The following ZMYND11 variants were observed in gnomAD, a reference collection of about 807,000 sequenced individuals.
ZMYND11 encodes zinc finger MYND-type containing 11.
Under a neutral mutation model 84.9 loss-of-function variants are expected in ZMYND11, and 9 were observed. The ratio of observed to expected loss-of-function variants is 0.11; its 90% CI spans 0.06 to 0.18. The LOEUF (loss-of-function observed/expected upper bound fraction) is 0.18, where lower values mean the gene tolerates loss of function less well. Ranked by LOEUF, ZMYND11 falls within the 10% of genes least tolerant of loss-of-function variation. ZMYND11 has a pLI of 1.00. For missense variants in ZMYND11, 409 were observed against 761.0 expected (o/e 0.54, Z 5.44); for synonymous variants, 250 against 244.1 (o/e 1.02, Z -0.23).
intron 2 of ZMYND11, among the ~76,000 whole-genome samples, chr10:200,533 T>C (rs1281109704): frequency 6.6e-6 from 1 of 151,696 alleles, no homozygotes; most frequent in Non-Finnish European, 1.5e-5. Context: ...CACCTTGGCC[T>C]CCCAAAGTGC....
chr10:181,780 G>C (rs1847937539), intron 2 of ZMYND11, among the ~76,000 whole-genome samples: 1 of 151,908 alleles, frequency 6.6e-6, no homozygotes, highest in African/African-American at 2.4e-5. Context: ...AGAAAAAAAA[G>C]ATAATACTAT....
At chr10:219,806 A>G (rs1946816013) in intron 3 of ZMYND11, among the ~76,000 whole-genome samples, 1 of 152,168 alleles carries the variant, frequency 6.6e-6, no homozygotes, top group Non-Finnish European at 1.5e-5. Flanking sequence ...GAGTGTATAC[A>G]TCTGTAGCAA....
chr10:240,802 AC>A, intron 8 of ZMYND11, 90 bp from the exon 9 acceptor site: 1 of 969,788 alleles, frequency 1.0e-6, no homozygotes, highest in South Asian at 1.6e-5. Flanking sequence ...CTATTTATAT[AC>A]GTGAATGTTA....
rs974673311 is a variant in ZMYND11, at chr10:215,211, T to C, written c.276+5163T>C. On this transcript the variant is annotated intron_variant, in intron 3 of 14. Coordinates refer to ENST00000381604, the MANE Select transcript of ZMYND11 (RefSeq NM_001370100.5). ...TAAAATATTAAAAAGTGATCTTTGC[T>C]GTAAAACTACTTCTCCCTTTACTTA... Among the ~76,000 whole-genome samples, 3 of 152,340 alleles carry C rather than the reference T, an allele frequency of 2.0e-5. No individual in the cohort carries two copies. The East Asian group carries it at 5.8e-4, about 29-fold the overall frequency.
At chr10:209,239 G>T (rs1349598744) in intron 2 of ZMYND11, among the ~76,000 whole-genome samples, 1 of 152,080 alleles carries the variant, frequency 6.6e-6, no homozygotes, top group Admixed American at 6.6e-5. Context: ...GTGATCCAGG[G>T]TGTGTCGGAT....
chr10:251,343 G>A (rs1034718861), intron 14 of ZMYND11, among the ~76,000 whole-genome samples: 10 of 152,146 alleles, frequency 6.6e-5, no homozygotes, highest in African/African-American at 2.2e-4. Flanking sequence ...CATCCAAGCC[G>A]TTTCCAAAAC....
At chr10:204,494 CTTAAT>C (rs1225554935) in intron 2 of ZMYND11, among the ~76,000 whole-genome samples, 6 of 152,088 alleles carry the variant, frequency 3.9e-5, no homozygotes, top group African/African-American at 7.2e-5. Flanking sequence ...GAACTATATA[CTTAAT>C]TTAAATTACT....
At chr10:190,497 A>G (rs1452582025) in intron 2 of ZMYND11, among the ~76,000 whole-genome samples, 2 of 151,984 alleles carry the variant, frequency 1.3e-5, no homozygotes, top group Non-Finnish European at 2.9e-5. Flanking sequence ...CTCCTCCTTC[A>G]GGTGTTGGTG....
chr10:202,763 C>T (rs1301448877), intron 2 of ZMYND11, among the ~76,000 whole-genome samples: 4 of 152,058 alleles, frequency 2.6e-5, no homozygotes, highest in African/African-American at 9.7e-5. Flanking sequence ...AACGAAATGA[C>T]CAGAATGTAT....
intron 3 of ZMYND11, among the ~76,000 whole-genome samples, chr10:213,943 A>G (rs1020794735): frequency 3.9e-5 from 6 of 152,210 alleles, no homozygotes; most frequent in Non-Finnish European, 7.3e-5. Context: ...TATGAAATCT[A>G]GCAATCATGT....
At chr10:159,736 CAA>C (rs1472074662) in intron 1 of ZMYND11, among the ~76,000 whole-genome samples, 1 of 152,078 alleles carries the variant, frequency 6.6e-6, no homozygotes, top group African/African-American at 2.4e-5. Flanking sequence ...TTGGGATGTG[CAA>C]AGAGTTTACT....
chr10:223,402 A>G (rs1263921946), intron 4 of ZMYND11, among the ~76,000 whole-genome samples: 1 of 152,194 alleles, frequency 6.6e-6, no homozygotes, highest in African/African-American at 2.4e-5. Flanking sequence ...GTATTGGCTC[A>G]CACAGAAACA....
Position 221,460 on chromosome 10 carries a change from G to T in ZMYND11, c.438+104G>T, listed in dbSNP as rs1448579866. On this transcript the variant is annotated intron_variant, in intron 4 of 14. Transcript: ENST00000381604. ...GGTCTTGCCAGGTGAACGGATAAAG[G>T]ACTGGAGGGTGGGGGTTATCTAATG... 13 of 1,166,136 alleles carry T rather than the reference G, an allele frequency of 1.1e-5. No individual in the cohort carries two copies. The East Asian group carries it at 2.9e-4, about 26-fold the overall frequency. 72.2% of individuals were successfully genotyped at this position (1,166,136 alleles called of 1,614,324 possible).
chr10:173,018 A>G (rs1488831821), intron 1 of ZMYND11, among the ~76,000 whole-genome samples: 2 of 152,050 alleles, frequency 1.3e-5, no homozygotes, highest in Non-Finnish European at 2.9e-5. Flanking sequence ...GCTGGAACAA[A>G]TGGACATCCA....
At chr10:185,530 C>G (rs61836338) in intron 2 of ZMYND11, among the ~76,000 whole-genome samples, 372 of 67,780 alleles carry the variant, frequency 5.5e-3, no homozygotes, top group South Asian at 8.7e-3. Flanking sequence ...GGTGGGGGCG[C>G]GGGGTGGGCA....
At chr10:134,767 C>G (rs1206821890), upstream of ZMYND11, 1 of 152,526 alleles carries the variant, frequency 6.6e-6, no homozygotes, top group Non-Finnish European at 1.5e-5. Flanking sequence ...CGCCCGCTCC[C>G]GGCTCCAGCG....
At chr10:151,543 C>A (rs1294849911) in intron 1 of ZMYND11, among the ~76,000 whole-genome samples, 1 of 152,172 alleles carries the variant, frequency 6.6e-6, no homozygotes, top group East Asian at 1.9e-4. Flanking sequence ...TGAGCAAAGT[C>A]TTCGAGAAAT....
chr10:205,959 C>G (rs954809666), intron 2 of ZMYND11, among the ~76,000 whole-genome samples: 11 of 149,076 alleles, frequency 7.4e-5, no homozygotes, highest in Admixed American at 4.0e-4. Context: ...TCTTCTGGAC[C>G]TATTAAAGGT....
intron 1 of ZMYND11, among the ~76,000 whole-genome samples, chr10:165,633 C>T (rs573880855): frequency 5.9e-4 from 90 of 152,168 alleles, no homozygotes; most frequent in Non-Finnish European, 1.1e-3. Context: ...CTGGGAAAAC[C>T]GGAAATCTAA....
Sources: gnomAD v4.1 joint callset for allele counts (sites outside exome capture counted in the v4.1 genomes callset) on GRCh38, gnomAD v4.1.1 for gene constraint, MANE v1.5 for transcripts, NCBI Gene and HGNC (gene_info 2026-07-23, HGNC 2026-07-21) for gene names.